Variants in CHD6 observed in about 807,000 individuals in gnomAD.
CHD6 encodes the protein ATP-dependent chromatin remodeler CHD6.
Under a neutral mutation model 276.9 loss-of-function variants are expected in CHD6, and 50 were observed. The ratio of observed to expected loss-of-function variants is 0.18; its 90% CI spans 0.14 to 0.23. The LOEUF is 0.23. Among genes scored for constraint, CHD6 ranks in the 10% least tolerant of loss-of-function variants. CHD6 has a pLI of 1.00. For synonymous variants in CHD6, 1,173 were observed against 1,229.3 expected, an observed-to-expected ratio of 0.95 and a Z score of 0.96; for missense variants, 2,564 against 3,365.8, an observed-to-expected ratio of 0.76 and a Z score of 5.89.
Position 41,425,961 on chromosome 20 carries a change from G to C in CHD6, c.4129+132C>G, listed in dbSNP as rs1346490999. 9 of 747,392 alleles carry C rather than the reference G, an allele frequency of 1.2e-5. No individual in the cohort carries two copies. The East Asian group carries it at 2.0e-4, about 16-fold the overall frequency. 46.3% of individuals were successfully genotyped at this position (747,392 alleles called of 1,614,324 possible). A position where few individuals can be genotyped will look rare whatever the true frequency, so the allele number is the denominator to read the frequency against. On this transcript the variant is annotated intron_variant, in intron 28 of 36. Coordinates refer to ENST00000373233, the MANE Select transcript of CHD6 (RefSeq NM_032221.5). ...TCCATGTGTGACTCTAGGGGAGTTT[G>C]ATGATGGTCAACTTACTTGGCTTTT... is the stretch of plus-strand genomic sequence containing the variant.
chr20:41,582,577 G>A (rs1379341317), intron 1 of CHD6, among the ~76,000 whole-genome samples: 1 of 152,114 alleles, frequency 6.6e-6, no homozygotes, highest in Non-Finnish European at 1.5e-5. Flanking sequence ...ATGTCCACCA[G>A]TCGATCAAAA....
chr20:41,497,654 C>T, intron 7 of CHD6, 153 bp from the exon 8 acceptor site: 1 of 660,980 alleles, frequency 1.5e-6, no homozygotes, highest in Non-Finnish European at 2.7e-6. Flanking sequence ...AGACCTTCCC[C>T]TTAAGGGCAA....
intron 5 of CHD6, among the ~76,000 whole-genome samples, chr20:41,510,683 T>G (rs2044096565): frequency 1.3e-5 from 2 of 152,222 alleles, no homozygotes; most frequent in African/African-American, 4.8e-5. Context: ...CTGATGCCCT[T>G]CAGGTGCCAG....
chr20:41,420,043 T>C (rs2047134500), intron 31 of CHD6, among the ~76,000 whole-genome samples: 1 of 152,208 alleles, frequency 6.6e-6, no homozygotes, highest in African/African-American at 2.4e-5. Context: ...GACAATGACA[T>C]GAATAAATGG....
At chr20:41,538,091 C>T (rs534543091) in intron 2 of CHD6, among the ~76,000 whole-genome samples, 1 of 152,306 alleles carries the variant, frequency 6.6e-6, no homozygotes, top group South Asian at 2.1e-4. Flanking sequence ...GTGGCTCACA[C>T]CTATAATCCC....
Position 41,443,830 on chromosome 20 carries a change from A to C in CHD6, c.3877+1835T>G, listed in dbSNP as rs373968043. On this transcript the variant is annotated intron_variant, in intron 25 of 36. Transcript: ENST00000373233. ...CTGGTTCACTGTCATATTGGCCCCT[A>C]AGCTTTCAGTTCTGGCTTTAAATGA... Among the ~76,000 whole-genome samples, 5 of 152,136 alleles carry C rather than the reference A, an allele frequency of 3.3e-5. No homozygotes were observed. In the East Asian group the frequency reaches 9.6e-4, roughly 29 times the overall value.
intron 17 of CHD6, among the ~76,000 whole-genome samples, chr20:41,471,520 T>C (rs948805729): frequency 6.7e-6 from 1 of 149,426 alleles, no homozygotes; most frequent in African/African-American, 2.5e-5. Context: ...CTTTATGATG[T>C]ATACCATGAA....
chr20:41,458,232 G>A (rs2048436406), intron 17 of CHD6, among the ~76,000 whole-genome samples: 1 of 152,160 alleles, frequency 6.6e-6, no homozygotes, highest in Non-Finnish European at 1.5e-5. Flanking sequence ...CTACCCTAAT[G>A]TACAGTTCAT....
chr20:41,599,358 G>A (rs1383725575), intron 1 of CHD6, among the ~76,000 whole-genome samples: 6 of 152,240 alleles, frequency 3.9e-5, no homozygotes, highest in Non-Finnish European at 7.4e-5. Context: ...TGAATTAGCC[G>A]AAAATTCTGG....
chr20:41,437,964 G>A (rs1452971660), intron 26 of CHD6, among the ~76,000 whole-genome samples: 1 of 152,140 alleles, frequency 6.6e-6, no homozygotes, highest in Non-Finnish European at 1.5e-5. Context: ...GTCTACTCAG[G>A]CAAGTTCAGA....
chr20:41,542,908 T>C (rs2044972298), intron 2 of CHD6, among the ~76,000 whole-genome samples: 1 of 151,590 alleles, frequency 6.6e-6, no homozygotes, highest in Admixed American at 6.6e-5. Context: ...ATTGAGACCA[T>C]CCTGGCCAAC....
chr20:41,539,751 A>C (rs2044905025), intron 2 of CHD6, among the ~76,000 whole-genome samples: 1 of 152,248 alleles, frequency 6.6e-6, no homozygotes, highest in Non-Finnish European at 1.5e-5. Context: ...ATATATAAGA[A>C]TATCTGATAC....
At chr20:41,460,711 G>C (rs1341771220) in intron 17 of CHD6, among the ~76,000 whole-genome samples, 3 of 152,246 alleles carry the variant, frequency 2.0e-5, no homozygotes, top group Non-Finnish European at 1.5e-5. Flanking sequence ...GCAAAAGTTT[G>C]CTGCAGAGGT....
intron 1 of CHD6, among the ~76,000 whole-genome samples, chr20:41,570,118 A>G (rs1031142361): frequency 6.6e-6 from 1 of 152,226 alleles, no homozygotes; most frequent in African/African-American, 2.4e-5. Context: ...TCATATCTTC[A>G]ATCATAGGCA....
At chr20:41,517,589 G>T (rs1036378658) in intron 3 of CHD6, among the ~76,000 whole-genome samples, 1 of 152,168 alleles carries the variant, frequency 6.6e-6, no homozygotes, top group Non-Finnish European at 1.5e-5. Context: ...TTCAGAAGAG[G>T]AGACTCAGGT....
chr20:41,564,895 C>T (rs1167238625), intron 1 of CHD6, among the ~76,000 whole-genome samples: 1 of 151,872 alleles, frequency 6.6e-6, no homozygotes, highest in East Asian at 1.9e-4. Context: ...TAATGGGGAG[C>T]CATTAATTGA....
At chr20:41,497,549 G>T in intron 7 of CHD6, 48 bp from the exon 8 acceptor site, 1 of 1,301,230 alleles carries the variant, frequency 7.7e-7, no homozygotes, top group Non-Finnish European at 1.1e-6. Context: ...ACTAGCAAAT[G>T]ATCGAGCTTT....
intron 1 of CHD6, among the ~76,000 whole-genome samples, chr20:41,567,901 C>T (rs1285734020): frequency 6.6e-6 from 1 of 152,142 alleles, no homozygotes; most frequent in African/African-American, 2.4e-5. Context: ...TAAACCTCTC[C>T]CTGTAACTAC....
At chr20:41,454,086 C>T (rs2048319350) in intron 20 of CHD6, among the ~76,000 whole-genome samples, 3 of 152,156 alleles carry the variant, frequency 2.0e-5, no homozygotes, top group Non-Finnish European at 4.4e-5. Flanking sequence ...CTTGTAACCC[C>T]ACAGTGTGGG....
Sources: allele counts gnomAD v4.1 joint callset (sites outside exome capture counted in the v4.1 genomes callset), GRCh38; gene constraint gnomAD v4.1.1; transcripts MANE v1.5; gene names NCBI Gene and HGNC (gene_info 2026-07-23, HGNC 2026-07-21).